Variants in DCC observed in about 807,000 individuals in gnomAD.
DCC encodes netrin receptor DCC.
In DCC, 58 loss-of-function variants were observed where a neutral mutation model predicts 172.5. The observed-to-expected ratio is 0.34, with a 90% confidence interval of 0.27 to 0.42. The LOEUF is 0.42. Ranked by LOEUF, DCC falls within the 10% of genes least tolerant of loss-of-function variation. DCC has a pLI of 1.00. For synonymous variants in DCC, 709 were observed against 644.5 expected (o/e 1.10, Z -1.52); for missense variants, 1,740 against 1,791.0 (o/e 0.97, Z 0.51).
At chr18:52,550,184 A>T (rs1456353779) in intron 1 of DCC, among the ~76,000 whole-genome samples, 1 of 151,946 alleles carries the variant, frequency 6.6e-6, no homozygotes, top group Non-Finnish European at 1.5e-5. Flanking sequence ...AAATAACAGA[A>T]AAAAACCCAA....
chr18:53,331,495 G>C (rs568836422), intron 14 of DCC, among the ~76,000 whole-genome samples: 320 of 152,286 alleles, frequency 2.1e-3, no homozygotes, highest in Non-Finnish European at 3.6e-3. Flanking sequence ...TCTAAAGTGA[G>C]AGAACAATCC....
intron 3 of DCC, among the ~76,000 whole-genome samples, chr18:52,909,501 T>G (rs1417400789): frequency 6.6e-6 from 1 of 152,200 alleles, no homozygotes; most frequent in Non-Finnish European, 1.5e-5. Flanking sequence ...TGTTTGAATT[T>G]ATGTGTGTTT....
intron 12 of DCC, among the ~76,000 whole-genome samples, chr18:53,270,740 C>G (rs1337424325): frequency 1.3e-5 from 2 of 152,058 alleles, no homozygotes; most frequent in African/African-American, 4.8e-5. Context: ...GGGCCCTAAC[C>G]TATGTAGATT....
chr18:52,424,288 A>G (rs1987350236), intron 1 of DCC, among the ~76,000 whole-genome samples: 1 of 152,142 alleles, frequency 6.6e-6, no homozygotes, highest in Non-Finnish European at 1.5e-5. Flanking sequence ...AGCTATTAGT[A>G]CCAGTTTCCA....
Position 53,063,424 on chromosome 18 carries a change from G to T in DCC, c.1105G>T (p.Asp369Tyr). 6.2e-7 allele frequency: 1 copy of T among 1,611,520 alleles called. No homozygotes were observed. The highest frequency in any genetic ancestry group is 8.5e-7 in the Non-Finnish European group (1 of 1,177,932). The change falls in exon 6 of 29, where the codon GAT becomes TAT. Residue 369 changes from aspartate (D) to tyrosine (Y), a missense_variant. Asp to Tyr is a radical substitution (Grantham distance 160). Transcript: ENST00000442544. ...VPTVNWMKNG[D>Y]VVIPSDYFQI... Reference sequence around the variant, plus strand: ...CACTGTGAATTGGATGAAGAATGGAGATGTGGTCATTCCTAGTGATTATTT... The same window carrying T: ...CACTGTGAATTGGATGAAGAATGGATATGTGGTCATTCCTAGTGATTATTT...
intron 5 of DCC, among the ~76,000 whole-genome samples, chr18:52,957,296 T>A (rs1036369253): frequency 6.6e-6 from 1 of 152,034 alleles, no homozygotes; most frequent in African/African-American, 2.4e-5. Flanking sequence ...ATACAACCAA[T>A]ATAGTAGATT....
At position 52,393,328 on chromosome 18, in the gene DCC, A is replaced by G. The variant is rs1986100078; in HGVS notation, c.91+52450A>G. On this transcript the variant is annotated intron_variant, in intron 1 of 28. Transcript: ENST00000442544. ...ATATAGTTTGAAGAAAGCACATCAGATGGTTCTAACATGTACTTCCTCATC... is the reference window on the plus strand; with the variant it reads ...ATATAGTTTGAAGAAAGCACATCAGGTGGTTCTAACATGTACTTCCTCATC... Among the ~76,000 whole-genome samples the G allele has an allele frequency of 2.0e-5, 3 of 152,112 alleles. No individual in the cohort carries two copies. The South Asian group carries it at 6.2e-4, about 32-fold the overall frequency.
chr18:53,172,448 T>G (rs1159544093), intron 8 of DCC, among the ~76,000 whole-genome samples: 6 of 152,114 alleles, frequency 3.9e-5, no homozygotes, highest in African/African-American at 1.4e-4. Context: ...CATTTTCACA[T>G]GTACCCCAGA....
At chr18:52,663,801 T>G in intron 1 of DCC, among the ~76,000 whole-genome samples, 1 of 152,078 alleles carries the variant, frequency 6.6e-6, no homozygotes, top group East Asian at 1.9e-4. Flanking sequence ...GAACACTATT[T>G]AGAAATAAGA....
rs141048769 is a variant in DCC, at chr18:53,293,809, C to A, written c.1912-11769C>A. ...ACTTTTCTCCTGATAGAGCTCCGAG[C>A]TTCATATTTAAATAACTCAAGAAGT... On this transcript the variant is annotated intron_variant, in intron 12 of 28. Coordinates refer to ENST00000442544, the MANE Select transcript of DCC (RefSeq NM_005215.4). 2.9e-3 allele frequency among the ~76,000 whole-genome samples: 446 copies of A among 152,256 alleles called. 4 individuals are homozygous for A. Among genetic ancestry groups the A allele is most frequent in the Admixed American group, 0.022 (338 of 15,296 alleles).
intron 15 of DCC, among the ~76,000 whole-genome samples, chr18:53,348,494 A>G (rs192812251): frequency 1.7e-3 from 263 of 152,264 alleles, no homozygotes; most frequent in South Asian, 4.4e-3. Context: ...ACAAGCTGTC[A>G]GTGGATCTAG....
At chr18:53,477,013 TA>T (rs2045771382) in intron 25 of DCC, among the ~76,000 whole-genome samples, 2 of 152,188 alleles carry the variant, frequency 1.3e-5, no homozygotes, top group South Asian at 4.1e-4. Flanking sequence ...AATTTTAAAA[TA>T]TTTTTTATTT....
chr18:53,111,646 A>T (rs1277589809), intron 7 of DCC, among the ~76,000 whole-genome samples: 2 of 151,580 alleles, frequency 1.3e-5, no homozygotes, highest in Non-Finnish European at 3.0e-5. Context: ...AAAAAAAATT[A>T]TCTCATCATG....
intron 26 of DCC, among the ~76,000 whole-genome samples, chr18:53,497,848 C>G (rs1048622403): frequency 6.6e-6 from 1 of 152,158 alleles, no homozygotes; most frequent in Non-Finnish European, 1.5e-5. Flanking sequence ...AGAAAGATTT[C>G]CTAGCCTGGA....
chr18:53,208,290 T>A (rs907765706), intron 11 of DCC, among the ~76,000 whole-genome samples: 5 of 151,446 alleles, frequency 3.3e-5, no homozygotes, highest in Non-Finnish European at 4.4e-5. Context: ...TAAATAAATA[T>A]ATATGTATAT....
intron 2 of DCC, among the ~76,000 whole-genome samples, chr18:52,850,367 G>A (rs181045051): frequency 2.0e-5 from 3 of 152,222 alleles, no homozygotes; most frequent in East Asian, 3.9e-4. Context: ...AGAAATATAT[G>A]CATTGAAGTC....
chr18:53,216,431 G>A (rs186871233), intron 12 of DCC, among the ~76,000 whole-genome samples: 76 of 152,206 alleles, frequency 5.0e-4, no homozygotes, highest in South Asian at 1.9e-3. Context: ...GTCATACTCT[G>A]GGTTTTAAAT....
At chr18:52,998,687 C>T (rs2041520262) in intron 5 of DCC, among the ~76,000 whole-genome samples, 2 of 152,054 alleles carry the variant, frequency 1.3e-5, no homozygotes, top group Non-Finnish European at 2.9e-5. Flanking sequence ...CTACTTGTCA[C>T]GTCAGCCCCT....
In DCC at chr18:53,112,663, T is replaced by C. The variant is rs1011580893; in HGVS notation, c.1262-44693T>C. On this transcript the variant is annotated intron_variant, in intron 7 of 28. Transcript: ENST00000442544. ...ACCTTGAGACATGTTTTTTAGACTC[T>C]TAAAGGGCCTCCTTAAAAGGATGGG... Among the ~76,000 whole-genome samples the C allele has an allele frequency of 3.3e-5, 5 of 151,550 alleles. No homozygotes were observed. The South Asian group carries it at 1.0e-3, about 31-fold the overall frequency.
Sources: allele counts gnomAD v4.1 joint callset (sites outside exome capture counted in the v4.1 genomes callset), GRCh38; gene constraint gnomAD v4.1.1; transcripts MANE v1.5; gene names NCBI Gene and HGNC (gene_info 2026-07-23, HGNC 2026-07-21).